The following PHACTR3 variants were observed in gnomAD, a reference collection of about 807,000 sequenced individuals.
PHACTR3 encodes the protein protein phosphatase 1, regulatory subunit 123.
Under a neutral mutation model 66.8 loss-of-function variants are expected in PHACTR3, and 16 were observed. The observed-to-expected ratio is 0.24, with a 90% confidence interval of 0.16 to 0.36. The LOEUF (loss-of-function observed/expected upper bound fraction) is 0.36. Ranked by LOEUF, PHACTR3 falls within the 10% of genes least tolerant of loss-of-function variation. The pLI is 1.00. For synonymous variants in PHACTR3, 323 were observed against 292.1 expected, an observed-to-expected ratio of 1.11 and a Z score of -1.08; for missense variants, 647 against 719.9, an observed-to-expected ratio of 0.90 and a Z score of 1.16.
chr20:59,762,830 G>A (rs551080552), intron 4 of PHACTR3, among the ~76,000 whole-genome samples: 18 of 152,322 alleles, frequency 1.2e-4, no homozygotes, highest in South Asian at 2.1e-4. Flanking sequence ...GCTCACACTG[G>A]GAAACACGTG....
intron 1 of PHACTR3, among the ~76,000 whole-genome samples, chr20:59,714,252 G>C (rs1326070067): frequency 6.6e-6 from 1 of 151,718 alleles, no homozygotes; most frequent in South Asian, 2.1e-4. Flanking sequence ...TTTCCTTTTT[G>C]TATCTTATGT....
chr20:59,701,506 T>C (rs564515347), intron 1 of PHACTR3, among the ~76,000 whole-genome samples: 5 of 152,352 alleles, frequency 3.3e-5, no homozygotes, highest in Admixed American at 6.5e-5. Flanking sequence ...TCCAGTAAGA[T>C]GGGAAAGACC....
intron 1 of PHACTR3, among the ~76,000 whole-genome samples, chr20:59,666,284 G>A (rs1042051558): frequency 4.6e-5 from 7 of 152,196 alleles, no homozygotes; most frequent in Non-Finnish European, 1.0e-4. Flanking sequence ...TCAGCTCTAT[G>A]CAAGCCACGG....
chr20:59,623,239 G>A lies in PHACTR3; in HGVS notation c.118+18107G>A, dbSNP rs554181860. On this transcript the variant is annotated intron_variant, in intron 1 of 12. Coordinates refer to ENST00000371015, the MANE Select transcript of PHACTR3 (RefSeq NM_080672.5). ...CAGGATGGGGTGGGGCAGGTATGTC[G>A]GCTCCGCATGGATCAGGCTTGGTCC... Among the ~76,000 whole-genome samples, 15 of 152,014 alleles carry A rather than the reference G, an allele frequency of 9.9e-5. No individual in the cohort carries two copies. The East Asian group carries it at 1.9e-3, about 20-fold the overall frequency.
At chr20:59,815,897 G>A (rs938416431) in intron 8 of PHACTR3, among the ~76,000 whole-genome samples, 1 of 152,058 alleles carries the variant, frequency 6.6e-6, no homozygotes, top group East Asian at 1.9e-4. Flanking sequence ...CCATTGTCTA[G>A]AGCAGCAGTC....
At chr20:59,676,152 G>C (rs2036441543) in intron 1 of PHACTR3, among the ~76,000 whole-genome samples, 1 of 152,248 alleles carries the variant, frequency 6.6e-6, no homozygotes, top group Non-Finnish European at 1.5e-5. Context: ...GGTCATTGTG[G>C]TAGGGAAGGA....
At chr20:59,834,693 T>C (rs1472433911) in intron 8 of PHACTR3, among the ~76,000 whole-genome samples, 1 of 152,192 alleles carries the variant, frequency 6.6e-6, no homozygotes, top group Non-Finnish European at 1.5e-5. Flanking sequence ...CATTTGGGTC[T>C]CAGCGAAATG....
intron 9 of PHACTR3, among the ~76,000 whole-genome samples, chr20:59,839,870 G>C (rs2059027522): frequency 6.6e-6 from 1 of 152,184 alleles, no homozygotes; most frequent in Non-Finnish European, 1.5e-5. Context: ...TGCTGCCCAG[G>C]AGCTGAAGAA....
intron 1 of PHACTR3, among the ~76,000 whole-genome samples, chr20:59,711,467 T>G (rs1209274766): frequency 6.6e-6 from 1 of 152,196 alleles, no homozygotes; most frequent in African/African-American, 2.4e-5. Context: ...ACTACCAGTT[T>G]GGCAAAAATG....
intron 7 of PHACTR3, among the ~76,000 whole-genome samples, chr20:59,784,551 G>A (rs1390988201): frequency 6.6e-6 from 1 of 152,152 alleles, no homozygotes; most frequent in East Asian, 1.9e-4. Flanking sequence ...TTGAGCCTGG[G>A]CGTGGAGATG....
At position 59,587,266 on chromosome 20, in the gene PHACTR3, C is replaced by T. The variant is rs117726533; in HGVS notation, c.109+9649C>T. Among the ~76,000 whole-genome samples the T allele has an allele frequency of 9.2e-5, 14 of 152,302 alleles. No homozygotes were observed. In the East Asian group the frequency reaches 1.5e-3, roughly 17 times the overall value. On this transcript the variant is annotated intron_variant, in intron 1 of 12. Transcript: ENST00000359926. ...GTTGGATATGAGCGCACCTTTCTTC[C>T]GAGGATCGTCTAAGCAGGGTGGAGG...
At chr20:59,799,184 C>G (rs1408686062) in intron 7 of PHACTR3, among the ~76,000 whole-genome samples, 1 of 26,476 alleles carries the variant, frequency 3.8e-5, no homozygotes, top group Admixed American at 4.9e-4. Flanking sequence ...TTTATTGAAG[C>G]TTATTTCTGG....
At chr20:59,802,358 T>A (rs1328184222) in intron 7 of PHACTR3, among the ~76,000 whole-genome samples, 1 of 152,114 alleles carries the variant, frequency 6.6e-6, no homozygotes, top group African/African-American at 2.4e-5. Flanking sequence ...GGGGAGATGA[T>A]GAAGAGCCAG....
intron 1 of PHACTR3, among the ~76,000 whole-genome samples, chr20:59,606,307 C>T (rs1395873033): frequency 5.9e-5 from 9 of 152,096 alleles, no homozygotes; most frequent in African/African-American, 2.2e-4. Context: ...GATCCCTCCC[C>T]CCCCCATTTG....
rs2039747564 is a variant in PHACTR3, at chr20:59,755,326, A to G, written c.503A>G (p.Asp168Gly). The G allele has an allele frequency of 6.2e-7, 1 of 1,612,552 alleles. No homozygotes were observed. Among genetic ancestry groups the G allele is most frequent in the Non-Finnish European group, 8.5e-7 (1 of 1,179,920 alleles). Residue 168 changes from aspartate to glycine, a missense_variant, in exon 4 of 13, where the codon GAC becomes GGC. Coordinates refer to ENST00000371015, the MANE Select transcript of PHACTR3 (RefSeq NM_080672.5). Reference sequence around the variant, plus strand: ...ACTGGGACGGACCAGGTCTCCCTGGACAAGCCACTGTCCTCAGCTGCCCAC... The same window carrying G: ...ACTGGGACGGACCAGGTCTCCCTGGGCAAGCCACTGTCCTCAGCTGCCCAC... ...LATGTDQVSL[D>G]KPLSSAAHLD...
chr20:59,709,639 C>A (rs2037840306), intron 1 of PHACTR3, among the ~76,000 whole-genome samples: 1 of 152,134 alleles, frequency 6.6e-6, no homozygotes. Flanking sequence ...AATTTGGTGA[C>A]TTCAAATGTG....
At chr20:59,797,837 G>A (rs148751600) in intron 7 of PHACTR3, among the ~76,000 whole-genome samples, 1 of 151,626 alleles carries the variant, frequency 6.6e-6, no homozygotes, top group Non-Finnish European at 1.5e-5. Flanking sequence ...ACTTGGTCAT[G>A]GTGTATCACA....
chr20:59,614,763 A>G (rs1405749327), intron 1 of PHACTR3, among the ~76,000 whole-genome samples: 1 of 152,200 alleles, frequency 6.6e-6, no homozygotes, highest in African/African-American at 2.4e-5. Flanking sequence ...TATAGAAAAA[A>G]TTGTTGCCTT....
At chr20:59,670,605 T>TA (rs34824435) in intron 1 of PHACTR3, among the ~76,000 whole-genome samples, 1 of 47,126 alleles carries the variant, frequency 2.1e-5, no homozygotes, top group Non-Finnish European at 6.1e-5. Flanking sequence ...CTGCCGGGGG[T>TA]GGGGGGGGGG....
Sources: allele counts gnomAD v4.1 joint callset (sites outside exome capture counted in the v4.1 genomes callset), GRCh38; gene constraint gnomAD v4.1.1; transcripts MANE v1.5; gene names NCBI Gene and HGNC (gene_info 2026-07-23, HGNC 2026-07-21).